The following DPP6 variants were observed in gnomAD, a reference collection of about 807,000 sequenced individuals.
The protein encoded by DPP6 is A-type potassium channel modulatory protein DPP6.
In DPP6, 69 loss-of-function variants were observed where a neutral mutation model predicts 122.6. The observed-to-expected ratio is 0.56, with a 90% CI of 0.46 to 0.69. The LOEUF (loss-of-function observed/expected upper bound fraction) is 0.69, where lower values mean the gene tolerates loss of function less well. DPP6 is among the 30% of genes least tolerant of loss of function. The probability of loss-of-function intolerance (pLI) is 0.00; values close to 1 mark genes in which losing one functional copy is unlikely to be tolerated. For missense variants in DPP6, 928 were observed against 1,116.9 expected (o/e 0.83, Z 2.41); for synonymous variants, 418 against 433.1 (o/e 0.97, Z 0.43).
intron 5 of DPP6, among the ~76,000 whole-genome samples, chr7:154,575,587 C>T (rs1199563276): frequency 0.35 from 34,870 of 99,618 alleles, 3,809 homozygotes; most frequent in Admixed American, 0.46. Flanking sequence ...TATGTGTGAG[C>T]GGGTGTATGT....
At chr7:154,342,781 A>T (rs947312261) in intron 1 of DPP6, among the ~76,000 whole-genome samples, 1 of 152,250 alleles carries the variant, frequency 6.6e-6, no homozygotes, top group African/African-American at 2.4e-5. Context: ...ATTCCAAATG[A>T]CAGCAGAATT....
intron 1 of DPP6, among the ~76,000 whole-genome samples, chr7:154,176,429 C>A (rs1797804559): frequency 6.6e-6 from 1 of 152,064 alleles, no homozygotes; most frequent in Non-Finnish European, 1.5e-5. Context: ...ATCAGTGTAG[C>A]CAGACCATCG....
chr7:154,649,471 G>C (rs796686535), intron 6 of DPP6, among the ~76,000 whole-genome samples: 1 of 152,152 alleles, frequency 6.6e-6, no homozygotes, highest in African/African-American at 2.4e-5. Context: ...CTTCCAAAGT[G>C]GCTGCACCAT....
intron 1 of DPP6, among the ~76,000 whole-genome samples, chr7:154,054,185 C>T (rs12535760): frequency 0.16 from 24,339 of 152,010 alleles, 2,104 homozygotes; most frequent in Middle Eastern, 0.21. Context: ...ACTTAGTCTA[C>T]CCTGACATAC....
intron 7 of DPP6, among the ~76,000 whole-genome samples, chr7:154,717,917 AT>A (rs1435741254): frequency 3.3e-5 from 5 of 152,100 alleles, no homozygotes; most frequent in Non-Finnish European, 1.5e-5. Flanking sequence ...GCATTTGTTA[AT>A]TTTTGTCTTT....
intron 1 of DPP6, among the ~76,000 whole-genome samples, chr7:153,948,760 G>A (rs796686548): frequency 1.4e-5 from 2 of 146,632 alleles, no homozygotes; most frequent in African/African-American, 2.5e-5. Flanking sequence ...CACCCTCCCC[G>A]AGAACAGTAA....
At chr7:153,770,183 C>G in the DPP6 span, among the ~76,000 whole-genome samples, 1 of 152,064 alleles carries the variant, frequency 6.6e-6, no homozygotes, top group East Asian at 1.9e-4. Flanking sequence ...GGAAAGAGAA[C>G]AAAAGCTGTC....
At position 154,481,275 on chromosome 7, in the gene DPP6, TATG is replaced by T. The variant is rs920141487; in HGVS notation, c.457+6246_457+6248del. On this transcript the variant is annotated intron_variant, in intron 3 of 25. Coordinates refer to ENST00000377770, the MANE Select transcript of DPP6 (RefSeq NM_130797.4). This position sits in a 1 kb window ranked among gnomAD's most constrained non-coding sequence, Gnocchi z 4.2. ...CCCCCACAATGTTAGGTATTGTCTA[TATG>T]ATGATGAGTTTCAATTCTCTAGCTC... 1.3e-5 allele frequency among the ~76,000 whole-genome samples: 2 copies of T among 152,154 alleles called. No homozygotes were observed. The highest frequency in any genetic ancestry group is 4.8e-5 in the African/African-American group (2 of 41,428).
chr7:154,013,465 T>TTC (rs1798249490), intron 1 of DPP6, among the ~76,000 whole-genome samples: 1 of 151,052 alleles, frequency 6.6e-6, no homozygotes, highest in African/African-American at 2.4e-5. Context: ...TTTCTTTTTT[T>TTC]TTTTTTTTTA....
the DPP6 span, among the ~76,000 whole-genome samples, chr7:153,815,336 G>GTTTCA: frequency 4.7e-4 from 72 of 152,090 alleles, no homozygotes; most frequent in African/African-American, 1.5e-3. Context: ...TATAAACGCT[G>GTTTCA]GAATCCTGCA....
chr7:154,560,121 A>G (rs151252643), intron 4 of DPP6, among the ~76,000 whole-genome samples: 3,815 of 152,140 alleles, frequency 0.025, 63 homozygotes, highest in African/African-American at 0.041. Flanking sequence ...TTACATCTAC[A>G]TGACAGAAGG....
intron 1 of DPP6, among the ~76,000 whole-genome samples, chr7:154,219,379 A>G (rs1800177627): frequency 6.6e-6 from 1 of 152,188 alleles, no homozygotes; most frequent in Non-Finnish European, 1.5e-5. Context: ...AACAATACAC[A>G]TCATCATGGT....
chr7:154,889,460 A>G lies in DPP6; in HGVS notation c.2381A>G (p.Lys794Arg). Residue 794 changes from lysine (K) to arginine (R), a missense_variant, in exon 25 of 26, where the codon AAA becomes AGA. By Grantham distance (26) the Lys-to-Arg change is conservative. Transcript: ENST00000377770. ...FLIIHPTADEKIHFQHTAELI... is the reference protein window; with the variant it reads ...FLIIHPTADERIHFQHTAELI... Reference sequence around the variant, plus strand: ...TTTTTTTTTTTTTTTTGCACAGAAAAAATTCATTTCCAGCACACAGCAGAA... The same window carrying G: ...TTTTTTTTTTTTTTTTGCACAGAAAGAATTCATTTCCAGCACACAGCAGAA... The G allele has an allele frequency of 6.3e-7, 1 of 1,584,698 alleles. No homozygotes were observed. Among genetic ancestry groups the G allele is most frequent in the African/African-American group, 1.4e-5 (1 of 73,006 alleles).
At chr7:154,694,254 G>A (rs968505230) in intron 7 of DPP6, among the ~76,000 whole-genome samples, 3 of 152,140 alleles carry the variant, frequency 2.0e-5, no homozygotes, top group African/African-American at 7.2e-5. Context: ...CCATCCCATT[G>A]GGGGTGGGAT....
chr7:154,159,634 C>T (rs1796873119), intron 1 of DPP6, among the ~76,000 whole-genome samples: 1 of 152,288 alleles, frequency 6.6e-6, no homozygotes, highest in Non-Finnish European at 1.5e-5. Flanking sequence ...AGTCTGCCTC[C>T]CAGACATGAA....
chr7:154,687,041 T>C (rs1007892491), intron 7 of DPP6, among the ~76,000 whole-genome samples: 3 of 151,642 alleles, frequency 2.0e-5, no homozygotes, highest in Admixed American at 2.0e-4. Flanking sequence ...TTGAACATTA[T>C]GTAACTGTTA....
At chr7:154,589,549 G>A (rs1832680017) in intron 5 of DPP6, among the ~76,000 whole-genome samples, 2 of 152,224 alleles carry the variant, frequency 1.3e-5, no homozygotes, top group Non-Finnish European at 2.9e-5. Flanking sequence ...GTCTACAGTT[G>A]CACTGGCCAA....
At chr7:154,183,989 A>G (rs1351219875) in intron 1 of DPP6, among the ~76,000 whole-genome samples, 2 of 152,210 alleles carry the variant, frequency 1.3e-5, no homozygotes, top group East Asian at 1.9e-4. Flanking sequence ...TTCCCTTAGC[A>G]TAAGATTAAG....
intron 1 of DPP6, among the ~76,000 whole-genome samples, chr7:154,198,457 G>A (rs1446921919): frequency 1.3e-5 from 2 of 152,006 alleles, no homozygotes; most frequent in Non-Finnish European, 2.9e-5. Context: ...AATTGCAGGT[G>A]TGTGCCACCA....
Sources: allele counts gnomAD v4.1 joint callset (sites outside exome capture counted in the v4.1 genomes callset), GRCh38; gene constraint gnomAD v4.1.1; non-coding constraint Gnocchi (gnomAD v3.1); transcripts MANE v1.5; gene names NCBI Gene and HGNC (gene_info 2026-07-23, HGNC 2026-07-21).